The following RFPL1 variants were observed in gnomAD, a reference collection of about 807,000 sequenced individuals.
The protein encoded by RFPL1 is ret finger protein-like 1.
Under a neutral mutation model 9.6 loss-of-function variants are expected in RFPL1, and 6 were observed. The ratio of observed to expected loss-of-function variants is 0.62; its 90% confidence interval spans 0.34 to 1.23. The LOEUF (loss-of-function observed/expected upper bound fraction) is 1.23. RFPL1 is among the 50% of genes most tolerant of loss of function. The pLI is 0.03. For missense variants in RFPL1, 352 were observed against 398.4 expected, an observed-to-expected ratio of 0.88 and a Z score of 0.99; for synonymous variants, 145 against 149.4, an observed-to-expected ratio of 0.97 and a Z score of 0.22.
chr22:29,411,134 G>A, the RFPL1 span, among the ~76,000 whole-genome samples: 1 of 152,142 alleles, frequency 6.6e-6, no homozygotes. Flanking sequence ...CTGAGCTGGT[G>A]GAGGAAGAAG....
chr22:29,422,336 T>C, the RFPL1 span, among the ~76,000 whole-genome samples: 1 of 152,084 alleles, frequency 6.6e-6, no homozygotes, highest in Admixed American at 6.5e-5. Flanking sequence ...CCTAGCACTT[T>C]GGGAGGCTGA....
chr22:29,425,112 G>A, the RFPL1 span, among the ~76,000 whole-genome samples: 3 of 150,236 alleles, frequency 2.0e-5, no homozygotes, highest in South Asian at 2.1e-4. Flanking sequence ...GCTGAGGCAG[G>A]AGAATGGCGT....
the RFPL1 span, among the ~76,000 whole-genome samples, chr22:29,396,073 TAAGAGAA>T: frequency 1.3e-5 from 2 of 151,304 alleles, no homozygotes; most frequent in Non-Finnish European, 1.5e-5. Flanking sequence ...GAAGAGAAGA[TAAGAGAA>T]AAGAGAAGAG....
At chr22:29,425,062 G>A in the RFPL1 span, among the ~76,000 whole-genome samples, 2 of 151,482 alleles carry the variant, frequency 1.3e-5, no homozygotes, top group African/African-American at 2.4e-5. Context: ...AAATTAGCCG[G>A]GCGTGGTGGC....
chr22:29,400,934 C>G, the RFPL1 span, among the ~76,000 whole-genome samples: 1 of 152,224 alleles, frequency 6.6e-6, no homozygotes, highest in Non-Finnish European at 1.5e-5. Context: ...GAGAAGCAGA[C>G]ACCACCTCCA....
the RFPL1 span, among the ~76,000 whole-genome samples, chr22:29,412,387 G>A: frequency 9.1e-4 from 139 of 152,320 alleles, 1 homozygote; most frequent in African/African-American, 3.0e-3. Context: ...CCAGGGCAGT[G>A]GCAGCGCTCC....
At chr22:29,419,991 A>G in the RFPL1 span, among the ~76,000 whole-genome samples, 2 of 152,154 alleles carry the variant, frequency 1.3e-5, no homozygotes, top group Admixed American at 6.5e-5. Context: ...CCCTCACTCA[A>G]CAAAAGACCC....
At chr22:29,405,273 G>A in the RFPL1 span, among the ~76,000 whole-genome samples, 1 of 152,266 alleles carries the variant, frequency 6.6e-6, no homozygotes, top group East Asian at 1.9e-4. Context: ...GCACAGGACT[G>A]GGGGACGCAG....
At chr22:29,424,933 G>A in the RFPL1 span, among the ~76,000 whole-genome samples, 2 of 149,054 alleles carry the variant, frequency 1.3e-5, no homozygotes, top group South Asian at 2.1e-4. Flanking sequence ...GGCCAGGCGC[G>A]GTGGCTCACG....
exon 1 of RFPL1, chr22:29,438,840 A>T: frequency 6.2e-7 from 1 of 1,613,904 alleles, no homozygotes; most frequent in Non-Finnish European, 8.5e-7. Flanking sequence ...ACCTCACGGA[A>T]ATTTTCTTCC....
the RFPL1 span, among the ~76,000 whole-genome samples, chr22:29,423,797 C>A: frequency 1.3e-5 from 2 of 152,216 alleles, no homozygotes; most frequent in African/African-American, 4.8e-5. Context: ...ATGTATGATT[C>A]ATCTGTGGAA....
At chr22:29,439,232 C>A (rs1315921368) in intron 1 of RFPL1, 68 bp downstream of exon 1, 2 of 1,547,508 alleles carry the variant, frequency 1.3e-6, no homozygotes, top group African/African-American at 2.8e-5. Context: ...TGCAACTGGC[C>A]CCTCATTCCA....
the RFPL1 span, among the ~76,000 whole-genome samples, chr22:29,396,459 A>G: frequency 3.3e-4 from 50 of 152,322 alleles, no homozygotes; most frequent in Admixed American, 2.0e-3. Context: ...TGAGCCAAAT[A>G]CATTTCTGTT....
At chr22:29,430,346 C>T in the RFPL1 span, among the ~76,000 whole-genome samples, 21 of 152,006 alleles carry the variant, frequency 1.4e-4, no homozygotes, top group African/African-American at 4.6e-4. Flanking sequence ...TAATTTAATT[C>T]TTTTTCAGCC....
chr22:29,410,890 G>A, the RFPL1 span, among the ~76,000 whole-genome samples: 1 of 151,954 alleles, frequency 6.6e-6, no homozygotes. Context: ...TTCCTACTGA[G>A]CACCTGTGAA....
chr22:29,421,908 G>T, the RFPL1 span, among the ~76,000 whole-genome samples: 1 of 152,162 alleles, frequency 6.6e-6, no homozygotes, highest in Admixed American at 6.5e-5. Flanking sequence ...CACATGGTAG[G>T]TTCTCAGTAA....
At chr22:29,430,257 C>A in the RFPL1 span, among the ~76,000 whole-genome samples, 1 of 152,128 alleles carries the variant, frequency 6.6e-6, no homozygotes, top group Non-Finnish European at 1.5e-5. Context: ...ATGAACTCCA[C>A]AGCTCAAGCA....
the RFPL1 span, among the ~76,000 whole-genome samples, chr22:29,430,004 T>A: frequency 1.3e-5 from 2 of 148,928 alleles, no homozygotes; most frequent in Non-Finnish European, 3.0e-5. Context: ...ATTCCTGAGG[T>A]TATCAGAAAC....
chr22:29,438,920 C>T (rs2062822845), exon 1 of RFPL1: 7 of 1,614,020 alleles, frequency 4.3e-6, no homozygotes, highest in Non-Finnish European at 5.9e-6. Flanking sequence ...GTCCCGTCTG[C>T]TCAGACTATC....
Sources: allele counts gnomAD v4.1 joint callset (sites outside exome capture counted in the v4.1 genomes callset), GRCh38; gene constraint gnomAD v4.1.1; transcripts MANE v1.5; gene names NCBI Gene and HGNC (gene_info 2026-07-23, HGNC 2026-07-21).